The following CSMD2 variants were observed in gnomAD, a reference collection of about 807,000 sequenced individuals.
CSMD2 encodes CUB and Sushi multiple domains 2, also known as CUB and sushi domain-containing protein 2.
Under a neutral mutation model 398.5 loss-of-function variants are expected in CSMD2, and 130 were observed. The ratio of observed to expected loss-of-function variants is 0.33; its 90% CI spans 0.28 to 0.38. The LOEUF is 0.38. CSMD2 is among the 10% of genes least tolerant of loss of function. The pLI, the probability that CSMD2 is intolerant of heterozygous loss-of-function variation, is 1.00. For missense variants in CSMD2, 3,829 were observed against 4,764.9 expected (o/e 0.80, Z 5.78); for synonymous variants, 1,828 against 1,908.5 (o/e 0.96, Z 1.10).
At chr1:33,912,080 C>G (rs560202185) in intron 5 of CSMD2, among the ~76,000 whole-genome samples, 6 of 152,184 alleles carry the variant, frequency 3.9e-5, no homozygotes, top group Non-Finnish European at 8.8e-5. Context: ...ACAGTGTCCT[C>G]CTCTGAGCCC....
At chr1:33,931,144 C>T (rs964962824) in intron 4 of CSMD2, among the ~76,000 whole-genome samples, 1 of 152,236 alleles carries the variant, frequency 6.6e-6, no homozygotes, top group South Asian at 2.1e-4. Flanking sequence ...CCCATCCAGA[C>T]AGCCGTTCAT....
intron 53 of CSMD2, among the ~76,000 whole-genome samples, chr1:33,565,790 T>C (rs1485391942): frequency 6.6e-6 from 1 of 151,776 alleles, no homozygotes; most frequent in Non-Finnish European, 1.5e-5. Flanking sequence ...AAAACCACCA[T>C]GAAAATCAGA....
chr1:33,909,722 A>C (rs1358269817), intron 5 of CSMD2, among the ~76,000 whole-genome samples: 1 of 152,188 alleles, frequency 6.6e-6, no homozygotes, highest in Non-Finnish European at 1.5e-5. Flanking sequence ...ATGACCGCTC[A>C]TGGTCCTGCC....
At chr1:34,001,969 T>G (rs530058106) in intron 3 of CSMD2, among the ~76,000 whole-genome samples, 2 of 152,348 alleles carry the variant, frequency 1.3e-5, no homozygotes, top group East Asian at 3.9e-4. Context: ...TGGTCTTAGC[T>G]TCAGAGGTAT....
chr1:33,719,779 C>T (rs1646295523), intron 19 of CSMD2, among the ~76,000 whole-genome samples: 1 of 152,196 alleles, frequency 6.6e-6, no homozygotes, highest in African/African-American at 2.4e-5. Context: ...TAATATCTCT[C>T]TTACAGGTGA....
chr1:33,798,371 T>C (rs898348134), intron 10 of CSMD2, among the ~76,000 whole-genome samples: 4 of 152,328 alleles, frequency 2.6e-5, no homozygotes, highest in Admixed American at 1.3e-4. Flanking sequence ...CCATAAGTTA[T>C]CTTGCTTGCC....
chr1:33,963,354 ATGGGCTCTCTTACAGCC>A (rs1366325765), intron 3 of CSMD2, among the ~76,000 whole-genome samples: 3 of 152,252 alleles, frequency 2.0e-5, no homozygotes. Flanking sequence ...AGGTCTCAGC[ATGGGCTCTCTTACAGCC>A]TTGTTGAGGT....
At chr1:34,099,237 T>C (rs1391619750) in intron 1 of CSMD2, among the ~76,000 whole-genome samples, 1 of 152,216 alleles carries the variant, frequency 6.6e-6, no homozygotes, top group Non-Finnish European at 1.5e-5. Context: ...CACTGCATCA[T>C]GCCATTAATT....
chr1:33,970,496 G>A (rs1645722134), intron 3 of CSMD2, among the ~76,000 whole-genome samples: 1 of 152,182 alleles, frequency 6.6e-6, no homozygotes, highest in Admixed American at 6.5e-5. Context: ...TCAGGCCTGG[G>A]CACCCAGGAG....
chr1:33,763,668 T>A (rs1208406563), intron 13 of CSMD2, among the ~76,000 whole-genome samples: 1 of 152,150 alleles, frequency 6.6e-6, no homozygotes, highest in Non-Finnish European at 1.5e-5. Flanking sequence ...GTCTGCCTGA[T>A]TTCACCCTGG....
intron 42 of CSMD2, among the ~76,000 whole-genome samples, chr1:33,603,814 G>A (rs1640395191): frequency 6.6e-6 from 1 of 152,214 alleles, no homozygotes; most frequent in African/African-American, 2.4e-5. Context: ...AGACCTAAGG[G>A]ATGACTAGGG....
rs936900076 is a variant in CSMD2, at chr1:33,929,432, C to CTTTTTTTTTTTTTTTTTT, written c.712+6310_712+6327dup. 2.5e-4 allele frequency among the ~76,000 whole-genome samples: 25 copies of CTTTTTTTTTTTTTTTTTT among 100,664 alleles called. 4 individuals carry two copies. Among genetic ancestry groups the CTTTTTTTTTTTTTTTTTT allele is most frequent in the African/African-American group, 1.0e-3 (23 of 22,548 alleles). 66.0% of individuals were successfully genotyped at this position (100,664 alleles called of 152,430 possible). On this transcript the variant is annotated intron_variant, in intron 4 of 70. Coordinates refer to ENST00000373381, the MANE Select transcript of CSMD2 (RefSeq NM_001281956.2). ...TCCTGAACTCAGAACCAAGCCTATA[C>CTTTTTTTTTTTTTTTTTT]TTTTTTTTTTTTTTTTTTTTTTTGA...
At chr1:33,819,468 G>T (rs997156649) in intron 9 of CSMD2, among the ~76,000 whole-genome samples, 32 of 152,336 alleles carry the variant, frequency 2.1e-4, no homozygotes, top group African/African-American at 7.2e-4. Flanking sequence ...TAGACTGTAA[G>T]GTCCATGCAG....
At chr1:33,752,619 C>T (rs955251058) in intron 13 of CSMD2, among the ~76,000 whole-genome samples, 2 of 152,120 alleles carry the variant, frequency 1.3e-5, no homozygotes, top group African/African-American at 4.8e-5. Context: ...TGGGATGTTA[C>T]TATAAGATAC....
chr1:34,063,948 C>A (rs1021122910), intron 2 of CSMD2, among the ~76,000 whole-genome samples: 2 of 152,232 alleles, frequency 1.3e-5, no homozygotes, highest in Non-Finnish European at 2.9e-5. Context: ...ATGGAAGCTG[C>A]CAAGGCTTGG....
intron 7 of CSMD2, among the ~76,000 whole-genome samples, chr1:33,822,595 G>T (rs1305557598): frequency 6.6e-6 from 1 of 152,114 alleles, no homozygotes; most frequent in Non-Finnish European, 1.5e-5. Flanking sequence ...TACCTCCAAA[G>T]CTTTCACATC....
intron 56 of CSMD2, among the ~76,000 whole-genome samples, chr1:33,547,244 A>T (rs1009798838): frequency 1.3e-5 from 2 of 152,236 alleles, no homozygotes; most frequent in Non-Finnish European, 2.9e-5. Context: ...AGAAGGGTAG[A>T]GAACAGGAGA....
At chr1:34,165,408 G>C, upstream of CSMD2, 1 of 854,952 alleles carries the variant, frequency 1.2e-6, no homozygotes, top group Non-Finnish European at 1.6e-6. Context: ...CGCAGCTAAG[G>C]ATAAAATATT....
At chr1:33,936,791 G>A (rs1028427486) in intron 3 of CSMD2, among the ~76,000 whole-genome samples, 1 of 152,186 alleles carries the variant, frequency 6.6e-6, no homozygotes, top group African/African-American at 2.4e-5. Context: ...AGAACTGCCT[G>A]TGCCTTAAAG....
Sources: allele counts gnomAD v4.1 joint callset (sites outside exome capture counted in the v4.1 genomes callset), GRCh38; gene constraint gnomAD v4.1.1; transcripts MANE v1.5; gene names NCBI Gene and HGNC (gene_info 2026-07-23, HGNC 2026-07-21).